Variants in FGD6 observed in about 807,000 individuals in gnomAD.
The protein encoded by FGD6 is FYVE, RhoGEF and PH domain-containing protein 6.
FGD6 carries 90 observed loss-of-function variants against 149.4 expected under a neutral mutation model. That is an observed-to-expected ratio of 0.60 (90% CI 0.51 to 0.72). The LOEUF (loss-of-function observed/expected upper bound fraction) is 0.72, where lower values mean the gene tolerates loss of function less well. FGD6 is among the 30% of genes least tolerant of loss of function. The pLI, the probability that FGD6 is intolerant of heterozygous loss-of-function variation, is 0.00. For synonymous variants in FGD6, 527 were observed against 584.0 expected (o/e 0.90, Z 1.41); for missense variants, 1,437 against 1,684.8 (o/e 0.85, Z 2.57).
chr12:95,192,319 T>A (rs76764020), intron 2 of FGD6, among the ~76,000 whole-genome samples: 83 of 152,310 alleles, frequency 5.4e-4, no homozygotes, highest in African/African-American at 1.9e-3. Context: ...GATGAGTTGG[T>A]GCTGTGCAAC....
Position 95,084,532 on chromosome 12 carries a change from C to T in FGD6, c.4222G>A (p.Val1408Ile), listed in dbSNP as rs907310590. 1 of 1,599,696 alleles carries T rather than the reference C, an allele frequency of 6.3e-7. No individual in the cohort carries two copies. The highest frequency in any genetic ancestry group is 8.5e-7 in the Non-Finnish European group (1 of 1,175,570). Residue 1408 changes from valine to isoleucine, a missense_variant, in exon 20 of 21, where the codon GTA becomes ATA. Transcript: ENST00000343958. ...GAATGAGCATCCTCTGCTTTGAATA[C>T]ATAAAATAACATGTTTTTGTGCAGT... ...QLLHKNMLFY[V>I]FKAEDAHSAQ...
chr12:95,118,545 T>A (rs1305241705), intron 8 of FGD6, among the ~76,000 whole-genome samples: 2 of 152,154 alleles, frequency 1.3e-5, no homozygotes, highest in African/African-American at 4.8e-5. Context: ...AAATTAGTCA[T>A]CTGTGGGAAT....
chr12:95,158,100 C>T (rs1454117456), intron 3 of FGD6, among the ~76,000 whole-genome samples: 3 of 151,394 alleles, frequency 2.0e-5, no homozygotes, highest in African/African-American at 7.3e-5. Context: ...CCTGTCTCAG[C>T]CTCCCAAAGT....
intron 2 of FGD6, among the ~76,000 whole-genome samples, chr12:95,176,616 C>G (rs964192369): frequency 6.6e-6 from 1 of 151,716 alleles, no homozygotes; most frequent in African/African-American, 2.4e-5. Context: ...GTAACTGTTT[C>G]CTTCAATTCC....
chr12:95,169,892 G>A (rs1304632020), intron 3 of FGD6, among the ~76,000 whole-genome samples: 14 of 151,914 alleles, frequency 9.2e-5, no homozygotes, highest in Admixed American at 6.6e-5. Flanking sequence ...AGGCTGAGGC[G>A]GGTGGATCAC....
At chr12:95,185,102 G>T (rs1881392326) in intron 2 of FGD6, among the ~76,000 whole-genome samples, 1 of 152,130 alleles carries the variant, frequency 6.6e-6, no homozygotes, top group African/African-American at 2.4e-5. Context: ...TTGAACTCCT[G>T]ACCTCAAGTG....
chr12:95,167,919 C>G (rs1054835453), intron 3 of FGD6, among the ~76,000 whole-genome samples: 1 of 152,016 alleles, frequency 6.6e-6, no homozygotes, highest in Admixed American at 6.6e-5. Flanking sequence ...GGTCTATAAT[C>G]CATTTTGAGT....
chr12:95,086,987 A>C (rs1008098717), intron 18 of FGD6, among the ~76,000 whole-genome samples: 2 of 151,610 alleles, frequency 1.3e-5, no homozygotes, highest in South Asian at 2.1e-4. Context: ...AGCTGGGATT[A>C]CAGGCGTGCA....
chr12:95,170,423 C>T (rs1251635497), intron 3 of FGD6, among the ~76,000 whole-genome samples: 4 of 152,030 alleles, frequency 2.6e-5, no homozygotes, highest in East Asian at 3.9e-4. Context: ...GTGTGGATTA[C>T]CTGAGGTCAG....
At position 95,209,249 on chromosome 12, in the gene FGD6, C is replaced by G. The variant is rs763573273; in HGVS notation, c.2035G>C (p.Val679Leu). ...GIESDWQGLLVGEEKRSKPIK... is the reference protein window; with the variant it reads ...GIESDWQGLLLGEEKRSKPIK... ...GGTTTACTTCTCTTCTCCTCTCCTA[C>G]CAACAAGCCTTGCCAATCACTTTCA... Residue 679 changes from valine (V) to leucine (L), a missense_variant, in exon 2 of 21, where the codon GTA (valine) becomes CTA (leucine). Around this residue, in one of 2 missense-constraint regions of FGD6, gnomAD observed 1,055 missense variants for 1,146.0 expected, o/e 0.92. Coordinates refer to ENST00000343958, the MANE Select transcript of FGD6 (RefSeq NM_018351.4). The G allele has an allele frequency of 6.2e-7, 1 of 1,614,114 alleles. No individual in the cohort carries two copies. Among genetic ancestry groups the G allele is most frequent in the Non-Finnish European group, 8.5e-7 (1 of 1,180,018 alleles).
chr12:95,100,881 G>A, intron 14 of FGD6: 1 of 383,424 alleles, frequency 2.6e-6, no homozygotes, highest in Non-Finnish European at 5.1e-6. Context: ...AAAAGGGAAT[G>A]GGTGTCAGAG....
Position 95,081,415 on chromosome 12 carries a change from T to C in FGD6, c.*105A>G. ...TTCTTTGATGAAGGGTCTGGTTGGC[T>C]TTATCTTGGCAGTGTTCATTTTTAT... On this transcript the variant is annotated 3_prime_UTR_variant, in exon 21 of 21. Coordinates refer to ENST00000343958, the MANE Select transcript of FGD6 (RefSeq NM_018351.4). The C allele has an allele frequency of 4.1e-6, 4 of 971,966 alleles. No individual in the cohort carries two copies. The highest frequency in any genetic ancestry group is 5.8e-6 in the Non-Finnish European group (4 of 692,056). The allele number at this position is 971,966 out of a possible 1,614,324, so 60.2% of individuals were successfully genotyped here.
intron 8 of FGD6, among the ~76,000 whole-genome samples, chr12:95,126,780 T>C (rs1358521681): frequency 6.6e-6 from 1 of 150,622 alleles, no homozygotes; most frequent in African/African-American, 2.4e-5. Flanking sequence ...CAATAAAAAT[T>C]AGCCAGACGT....
intron 2 of FGD6, among the ~76,000 whole-genome samples, chr12:95,178,859 T>C (rs539398513): frequency 6.6e-6 from 1 of 152,108 alleles, no homozygotes; most frequent in Admixed American, 6.6e-5. Flanking sequence ...CAAAGAAACT[T>C]ACAACATAAA....
At chr12:95,148,155 A>G (rs1880069377) in intron 5 of FGD6, among the ~76,000 whole-genome samples, 1 of 152,066 alleles carries the variant, frequency 6.6e-6, no homozygotes, top group Non-Finnish European at 1.5e-5. Context: ...TTTACAACTA[A>G]AGAAAAAATG....
At chr12:95,201,354 A>G (rs1437147315) in intron 2 of FGD6, among the ~76,000 whole-genome samples, 1 of 152,166 alleles carries the variant, frequency 6.6e-6, no homozygotes, top group Non-Finnish European at 1.5e-5. Context: ...CCATCATTCA[A>G]GAGTCACAAA....
At chr12:95,089,953 C>A (rs1213235152) in intron 17 of FGD6, among the ~76,000 whole-genome samples, 1 of 151,974 alleles carries the variant, frequency 6.6e-6, no homozygotes, top group African/African-American at 2.4e-5. Context: ...AAACACGTGA[C>A]TATACTACCA....
chr12:95,094,826 A>AG (rs780080448), intron 14 of FGD6, 132 bp from the exon 15 acceptor site: 20 of 654,608 alleles, frequency 3.1e-5, no homozygotes, highest in Non-Finnish European at 4.6e-5. Flanking sequence ...GCAACTCCTC[A>AG]GAGTTGAGGC....
chr12:95,192,727 G>A (rs576160936), intron 2 of FGD6, among the ~76,000 whole-genome samples: 1 of 152,298 alleles, frequency 6.6e-6, no homozygotes, highest in South Asian at 2.1e-4. Context: ...AGTGTATTTT[G>A]TTACCTTTCC....
Sources: gnomAD v4.1 joint callset for allele counts (sites outside exome capture counted in the v4.1 genomes callset) on GRCh38, gnomAD v4.1.1 for gene constraint, gnomAD v4.1.1 regional missense constraint, MANE v1.5 for transcripts, NCBI Gene and HGNC (gene_info 2026-07-23, HGNC 2026-07-21) for gene names.